Variants in ABHD16A observed in about 807,000 individuals in gnomAD.
The protein encoded by ABHD16A is phosphatidylserine lipase ABHD16A.
Under a neutral mutation model 89.8 loss-of-function variants are expected in ABHD16A, and 47 were observed. That is an observed-to-expected ratio of 0.52 (90% CI 0.41 to 0.67). The LOEUF (loss-of-function observed/expected upper bound fraction) is 0.67. Ranked by LOEUF, ABHD16A falls within the 30% of genes least tolerant of loss-of-function variation. The pLI is 0.00. For synonymous variants in ABHD16A, 251 were observed against 280.4 expected (o/e 0.90, Z 1.05); for missense variants, 580 against 734.6 (o/e 0.79, Z 2.43).
intron 4 of ABHD16A, among the ~76,000 whole-genome samples, chr6:31,699,138 G>A (rs946867632): frequency 6.6e-6 from 1 of 152,060 alleles, no homozygotes; most frequent in Non-Finnish European, 1.5e-5. Flanking sequence ...TGGGCGCGGT[G>A]GCTCAAGCCT....
At chr6:31,703,093 A>G in intron 1 of ABHD16A, 57 bp downstream of exon 1, 1 of 1,372,338 alleles carries the variant, frequency 7.3e-7, no homozygotes, top group South Asian at 2.1e-5. Flanking sequence ...GGGGAGCAAA[A>G]GGCCGTAAAG....
In ABHD16A at chr6:31,691,830, G is replaced by A. The variant is rs1344144804; in HGVS notation, c.715C>T (p.Gln239Ter). 1 of 1,610,900 alleles carries A rather than the reference G, an allele frequency of 6.2e-7. No individual in the cohort carries two copies. Among genetic ancestry groups the A allele is most frequent in the South Asian group, 1.1e-5 (1 of 90,884 alleles). The part of the protein sequence containing the change: ...LQKALMPVLL[Q>*]GQARLVEECN... Reference sequence around the variant, plus strand: ...TCTTCCACCAGTCGGGCCTGGCCCTGCAGCAGCACAGGCATGAGGGCCTTC... The same window carrying A: ...TCTTCCACCAGTCGGGCCTGGCCCTACAGCAGCACAGGCATGAGGGCCTTC... The change falls in exon 8 of 20, where the codon CAG (glutamine) becomes TAG (stop). Residue 239 changes from glutamine to a stop codon, truncating the protein, a stop_gained. Coordinates refer to ENST00000395952, the MANE Select transcript of ABHD16A (RefSeq NM_021160.3). LOFTEE classifies it high-confidence loss of function.
chr6:31,693,650 T>C lies in ABHD16A; in HGVS notation c.430-218A>G, dbSNP rs1804120546. Among the ~76,000 whole-genome samples, 1 of 152,192 alleles carries C rather than the reference T, an allele frequency of 6.6e-6. No individual in the cohort carries two copies. Among genetic ancestry groups the C allele is most frequent in the Non-Finnish European group, 1.5e-5 (1 of 68,028 alleles). On this transcript the variant is annotated intron_variant, in intron 5 of 19. Transcript: ENST00000395952. The surrounding 1 kb of genome is among the most constrained non-coding windows in gnomAD (Gnocchi z 5.0). ...CCCATCAGGTATCAGGACTGGCCTG[T>C]CTGCCCTCTTCCAAGCTAAGAACCT...
In ABHD16A at chr6:31,690,562, C is replaced by T; in HGVS notation, c.884G>A (p.Gly295Asp). The T allele has an allele frequency of 6.2e-7, 1 of 1,612,978 alleles. No individual in the cohort carries two copies. The highest frequency in any genetic ancestry group is 1.1e-5 in the South Asian group (1 of 91,084). ...CEGNAGFYEV[G>D]CVSTPLEAGY... ...ACCTTCCAGGGGCGTGGAGACGCAG[C>T]CCACCTCATAAAACCCAGCATTCCC... The change falls in exon 10 of 20, where the codon GGC becomes GAC. Residue 295 changes from glycine to aspartate, a missense_variant. Physicochemically the swap from Gly to Asp is moderately conservative, Grantham distance 94. This residue lies in a region of ABHD16A where 415 missense variants were observed against 568.8 expected (regional missense o/e 0.73). Transcript: ENST00000395952. The surrounding 1 kb of genome is among the most constrained non-coding windows in gnomAD (Gnocchi z 4.1).
At chr6:31,699,202 T>G (rs989838545) in intron 4 of ABHD16A, among the ~76,000 whole-genome samples, 1 of 151,572 alleles carries the variant, frequency 6.6e-6, no homozygotes, top group African/African-American at 2.4e-5. Context: ...GTCAGGAGAT[T>G]GAGACCATCC....
chr6:31,696,630 T>C (rs1804421923), intron 5 of ABHD16A, among the ~76,000 whole-genome samples: 1 of 145,992 alleles, frequency 6.8e-6, no homozygotes, highest in African/African-American at 2.5e-5. Context: ...CGAAACTCCA[T>C]CTCAAAAAAA....
chr6:31,692,754 C>CCCCCCCCA, intron 7 of ABHD16A: 1 of 266,660 alleles, frequency 3.8e-6, no homozygotes, highest in South Asian at 4.8e-5. Context: ...CACCCCCACC[C>CCCCCCCCA]CACCCCCACT....
intron 4 of ABHD16A, among the ~76,000 whole-genome samples, chr6:31,699,251 C>CA (rs1251453981): frequency 6.6e-6 from 1 of 151,116 alleles, no homozygotes; most frequent in African/African-American, 2.4e-5. Context: ...CTAAAAAATA[C>CA]AAAAAAACCT....
intron 7 of ABHD16A, 34 bp from the exon 8 acceptor site, chr6:31,691,952 T>G: frequency 6.5e-7 from 1 of 1,535,704 alleles, no homozygotes; most frequent in South Asian, 1.2e-5. Flanking sequence ...ACCCCAACCC[T>G]GTTGAGGCCT....
At position 31,703,314 on chromosome 6, in the gene ABHD16A, C is replaced by G. The variant is rs751205954; in HGVS notation, c.-33G>C. The G allele has an allele frequency of 2.2e-6, 3 of 1,339,426 alleles. No homozygotes were observed. Among genetic ancestry groups the G allele is most frequent in the Non-Finnish European group, 2.9e-6 (3 of 1,033,824 alleles). The allele number at this position is 1,339,426 out of a possible 1,614,324, so 83.0% of individuals were successfully genotyped here. On this transcript the variant is annotated 5_prime_UTR_variant, in exon 1 of 20. Coordinates refer to ENST00000395952, the MANE Select transcript of ABHD16A (RefSeq NM_021160.3). ...GCTCGGGCCGCTGCTCTTCCAGCAG[C>G]AGGTCCCCCTGCCGGCCCCGCCCTC... is the stretch of plus-strand genomic sequence containing the variant.
At position 31,687,112 on chromosome 6, in the gene ABHD16A, A is replaced by G; in HGVS notation, c.*100T>C. On this transcript the variant is annotated 3_prime_UTR_variant, in exon 20 of 20. Coordinates refer to ENST00000395952, the MANE Select transcript of ABHD16A (RefSeq NM_021160.3). The surrounding 1 kb of genome is among the most constrained non-coding windows in gnomAD (Gnocchi z 6.3). Reference sequence around the variant, plus strand: ...GGGGGATGGTCCCCCACTTTCCACAAACTATAAACAGCAACATGAACACAG... The same window carrying G: ...GGGGGATGGTCCCCCACTTTCCACAGACTATAAACAGCAACATGAACACAG... 8.3e-7 allele frequency: 1 copy of G among 1,211,692 alleles called. No homozygotes were observed. Among genetic ancestry groups the G allele is most frequent in the Non-Finnish European group, 1.2e-6 (1 of 858,650 alleles). The allele number at this position is 1,211,692 out of a possible 1,614,324, so 75.1% of individuals were successfully genotyped here.
rs547919675 is a variant in ABHD16A at position 31,688,077 on chromosome 6, C to T, written c.1334G>A (p.Arg445Gln). The T allele has an allele frequency of 2.0e-5, 32 of 1,613,134 alleles. No homozygotes were observed. In the Admixed American group the frequency reaches 3.8e-4, roughly 19 times the overall value. ...GAGCTTCAGCAGGAGGTCATTGCCTCGGTTGGACATGATGTCCTCAGGAAC... is the reference window on the plus strand; with the variant it reads ...GAGCTTCAGCAGGAGGTCATTGCCTTGGTTGGACATGATGTCCTCAGGAAC... ...TTVPEDIMSN[R>Q]GNDLLLKLLQ... Residue 445 changes from arginine to glutamine, a missense_variant, in exon 16 of 20, where the codon CGA becomes CAA. Arg to Gln is a conservative substitution (Grantham distance 43). This residue lies in a region of ABHD16A where 415 missense variants were observed against 568.8 expected (regional missense o/e 0.73). Transcript: ENST00000395952. This position sits in a 1 kb window ranked among gnomAD's most constrained non-coding sequence, Gnocchi z 4.9.
In ABHD16A at chr6:31,693,193, C is replaced by A. The variant is rs1328666888; in HGVS notation, c.504-44G>T. 7 of 1,599,996 alleles carry A rather than the reference C, an allele frequency of 4.4e-6. No homozygotes were observed. In the Admixed American group the frequency reaches 1.0e-4, roughly 23 times the overall value. ...CAGGGAAGGATAGGGTCAGGAGCAG[C>A]AAGCTGGATGTCTGAGGTCTGGAGA... On this transcript the variant is annotated intron_variant, in intron 6 of 19. Coordinates refer to ENST00000395952, the MANE Select transcript of ABHD16A (RefSeq NM_021160.3). This position sits in a 1 kb window ranked among gnomAD's most constrained non-coding sequence, Gnocchi z 5.0.
chr6:31,695,358 T>C (rs1189320164), intron 5 of ABHD16A, among the ~76,000 whole-genome samples: 1 of 152,200 alleles, frequency 6.6e-6, no homozygotes, highest in Non-Finnish European at 1.5e-5. Flanking sequence ...GATAGCATGG[T>C]ATTCAATGCA....
intron 4 of ABHD16A, among the ~76,000 whole-genome samples, chr6:31,699,972 T>G (rs1461372833): frequency 6.6e-6 from 1 of 152,116 alleles, no homozygotes; most frequent in Non-Finnish European, 1.5e-5. Context: ...GGTCTTGAAC[T>G]CCTGACCTCT....
At position 31,701,277 on chromosome 6, in the gene ABHD16A, T is replaced by C. The variant is rs1804961261; in HGVS notation, c.253A>G (p.Lys85Glu). 9.9e-6 allele frequency: 16 copies of C among 1,612,546 alleles called. No homozygotes were observed. Among genetic ancestry groups the C allele is most frequent in the Non-Finnish European group, 1.4e-5 (16 of 1,179,152 alleles). The change falls in exon 3 of 20, where the codon AAA becomes GAA. Residue 85 changes from lysine to glutamate, a missense_variant. By Grantham distance (56) the Lys-to-Glu change is moderately conservative (BLOSUM62 1). This residue lies in a region of ABHD16A where 165 missense variants were observed against 165.8 expected (regional missense o/e 1.00). Coordinates refer to ENST00000395952, the MANE Select transcript of ABHD16A (RefSeq NM_021160.3). The stretch of plus-strand genomic sequence containing the variant: ...CCACCTTTGAAACCACACTGACCTT[T>C]CCTGTACAAGTAGAAGAAGGCGAAG... The part of the protein sequence containing the change: ...SPFAFFYLYR[K>E]GYLSLSKVVP...
Position 31,689,047 on chromosome 6 carries a change from G to A in ABHD16A, c.1154C>T (p.Pro385Leu). ...ILDASFDDLV[P>L]LALKVMPDSW... ...GTCTGGCATGACCTTCAAGGCCAAG[G>A]GCACCAGGTCATCAAAGGAGGCATC... Residue 385 changes from proline (P) to leucine (L), a missense_variant, in exon 13 of 20, where the codon CCC becomes CTC. Coordinates refer to ENST00000395952, the MANE Select transcript of ABHD16A (RefSeq NM_021160.3). The A allele has an allele frequency of 6.2e-7, 1 of 1,614,054 alleles. No homozygotes were observed. The highest frequency in any genetic ancestry group is 8.5e-7 in the Non-Finnish European group (1 of 1,179,986).
intron 2 of ABHD16A, 43 bp downstream of exon 2, chr6:31,702,031 G>T: frequency 6.2e-7 from 1 of 1,609,526 alleles, no homozygotes; most frequent in Non-Finnish European, 8.5e-7. Context: ...GAGGACAGGT[G>T]GGTCTGAAAG....
intron 1 of ABHD16A, 123 bp downstream of exon 1, chr6:31,703,027 T>G (rs1805181065): frequency 1.5e-6 from 2 of 1,362,774 alleles, no homozygotes; most frequent in Admixed American, 6.1e-5. Context: ...GCGCAGATTT[T>G]GCGGATAACT....
Sources: gnomAD v4.1 joint callset for allele counts (sites outside exome capture counted in the v4.1 genomes callset) on GRCh38, gnomAD v4.1.1 for gene constraint, gnomAD v4.1.1 regional missense constraint, Gnocchi (gnomAD v3.1) non-coding constraint, MANE v1.5 for transcripts, NCBI Gene and HGNC (gene_info 2026-07-23, HGNC 2026-07-21) for gene names.